The following AEBP1 variants were observed in gnomAD, a reference collection of about 807,000 sequenced individuals.
AEBP1 encodes adipocyte enhancer-binding protein 1.
In AEBP1, 69 loss-of-function variants were observed where a neutral mutation model predicts 116.5. That is an observed-to-expected ratio of 0.59 (90% confidence interval 0.49 to 0.72). The LOEUF (loss-of-function observed/expected upper bound fraction) is 0.72. Among genes scored for constraint, AEBP1 ranks in the 30% least tolerant of loss-of-function variants. AEBP1 has a pLI of 0.00. For synonymous variants in AEBP1, 627 were observed against 627.3 expected, an observed-to-expected ratio of 1.00 and a Z score of 0.01; for missense variants, 1,444 against 1,557.5, an observed-to-expected ratio of 0.93 and a Z score of 1.23.
rs751737965 is a variant in AEBP1 at position 44,114,181 on chromosome 7, A to AGGAGGAGG, written c.3397_3398insGGAGGAGG (p.Lys1133ArgfsTer8). 8.1e-6 allele frequency: 13 copies of AGGAGGAGG among 1,607,654 alleles called. No individual in the cohort carries two copies. The highest frequency in any genetic ancestry group is 7.7e-6 in the Non-Finnish European group (9 of 1,174,826). On this transcript the variant is annotated frameshift_variant, in exon 21 of 21. Coordinates refer to ENST00000223357, the MANE Select transcript of AEBP1 (RefSeq NM_001129.5). LOFTEE classifies it low-confidence loss of function (END_TRUNC). ...GTTTGAGGAAGAGGAGGAGGAGGAG[A>AGGAGGAGG]AAGAGGAGGAGATAGCCACTGGCCA...
intron 9 of AEBP1, chr7:44,109,713 G>A: frequency 1.8e-6 from 1 of 566,328 alleles, no homozygotes; most frequent in Non-Finnish European, 3.2e-6. Flanking sequence ...CCCTGGGGGA[G>A]CTCTACCTGT....
rs2128809716 is a variant in AEBP1 at position 44,114,160 on chromosome 7, G to C, written c.3376G>C (p.Glu1126Gln). Reference sequence around the variant, plus strand: ...TGAGACCCAGCTGGAACCCGAGTTTGAGGAAGAGGAGGAGGAGGAGAAAGA... The same window carrying C: ...TGAGACCCAGCTGGAACCCGAGTTTCAGGAAGAGGAGGAGGAGGAGAAAGA... The part of the protein sequence containing the change: ...EFETQLEPEF[E>Q]EEEEEEKEEE... Residue 1126 changes from glutamate (E) to glutamine (Q), a missense_variant, in exon 21 of 21, where the codon GAG becomes CAG. Transcript: ENST00000223357. 1 of 1,614,118 alleles carries C rather than the reference G, an allele frequency of 6.2e-7. No individual in the cohort carries two copies. The highest frequency in any genetic ancestry group is 2.2e-5 in the East Asian group (1 of 44,888).
At position 44,104,645 on chromosome 7, in the gene AEBP1, C is replaced by T; in HGVS notation, c.-21C>T. The T allele has an allele frequency of 1.4e-6, 2 of 1,431,868 alleles. No individual in the cohort carries two copies. The highest frequency in any genetic ancestry group is 1.5e-5 in the South Asian group (1 of 66,744). 88.7% of individuals were successfully genotyped at this position (1,431,868 alleles called of 1,614,324 possible). A position where few individuals can be genotyped will look rare whatever the true frequency, so the allele number is the denominator to read the frequency against. On this transcript the variant is annotated 5_prime_UTR_variant, in exon 1 of 21. Coordinates refer to ENST00000223357, the MANE Select transcript of AEBP1 (RefSeq NM_001129.5). ...CTGACCCCCCGCGCCCTCCCCGGAG[C>T]CCCCCGCGCGTGCCGCGGCCATGGC...
chr7:44,113,437 T>G lies in AEBP1; in HGVS notation c.2809+86T>G, dbSNP rs1295311198. ...GGGCTTGAGGAACTCAGCGAGCAGG[T>G]AGAGTCTGGGGAGCCTGGGGGCGAA... On this transcript the variant is annotated intron_variant, in intron 20 of 20. Coordinates refer to ENST00000223357, the MANE Select transcript of AEBP1 (RefSeq NM_001129.5). This position sits in a 1 kb window ranked among gnomAD's most constrained non-coding sequence, Gnocchi z 5.3. 3.4e-6 allele frequency: 5 copies of G among 1,471,964 alleles called. No individual in the cohort carries two copies. The highest frequency in any genetic ancestry group is 3.4e-4 in the Middle Eastern group (2 of 5,810). 91.2% of individuals were successfully genotyped at this position (1,471,964 alleles called of 1,614,324 possible). A position where few individuals can be genotyped will look rare whatever the true frequency, so the allele number is the denominator to read the frequency against.
Position 44,111,195 on chromosome 7 carries a change from G to T in AEBP1, c.1672G>T (p.Asp558Tyr). 10 of 1,515,572 alleles carry T rather than the reference G, an allele frequency of 6.6e-6. No homozygotes were observed. The highest frequency in any genetic ancestry group is 1.4e-5 in the African/African-American group (1 of 71,930). The allele number at this position is 1,515,572 out of a possible 1,614,324, so 93.9% of individuals were successfully genotyped here. ...YYAQNEVVAT[D>Y]DLDFRHHSYK... ...CGCACAGAATGAGGTGGTGGCCACC[G>T]ATGACCTGGATTTCCGGCACCACAG... is the stretch of plus-strand genomic sequence containing the variant. Residue 558 changes from aspartate (D) to tyrosine (Y), a missense_variant, in exon 14 of 21, where the codon GAT (aspartate) becomes TAT (tyrosine). By Grantham distance (160) the Asp-to-Tyr change is radical. Coordinates refer to ENST00000223357, the MANE Select transcript of AEBP1 (RefSeq NM_001129.5). The surrounding 1 kb of genome is among the most constrained non-coding windows in gnomAD (Gnocchi z 4.7).
chr7:44,108,412 G>A lies in AEBP1; in HGVS notation c.940+328G>A, dbSNP rs895469949. Among the ~76,000 whole-genome samples, 2 of 152,010 alleles carry A rather than the reference G, an allele frequency of 1.3e-5. No individual in the cohort carries two copies. The highest frequency in any genetic ancestry group is 4.8e-5 in the African/African-American group (2 of 41,378). The stretch of plus-strand genomic sequence containing the variant: ...GCTCTAACTGGCTTCCCGCTGGCTC[G>A]TGGCCACTGCCCCACTCTCTTCAGG... On this transcript the variant is annotated intron_variant, in intron 6 of 20. Coordinates refer to ENST00000223357, the MANE Select transcript of AEBP1 (RefSeq NM_001129.5). The surrounding 1 kb of genome is among the most constrained non-coding windows in gnomAD (Gnocchi z 5.0).
At position 44,104,608 on chromosome 7, in the gene AEBP1, G is replaced by A; in HGVS notation, c.-58G>A. The stretch of plus-strand genomic sequence containing the variant: ...GATCCCCTCTCCGCCCTTTCCCAGA[G>A]ACCCAGAGCCCCTGACCCCCCGCGC... On this transcript the variant is annotated 5_prime_UTR_variant, in exon 1 of 21. Coordinates refer to ENST00000223357, the MANE Select transcript of AEBP1 (RefSeq NM_001129.5). 8.1e-7 allele frequency: 1 copy of A among 1,237,994 alleles called. No homozygotes were observed. The highest frequency in any genetic ancestry group is 1.1e-6 in the Non-Finnish European group (1 of 944,226). The allele number at this position is 1,237,994 out of a possible 1,614,324, so 76.7% of individuals were successfully genotyped here.
At chr7:44,109,838 C>CT in intron 9 of AEBP1, 177 bp from the exon 10 acceptor site, 1 of 622,792 alleles carries the variant, frequency 1.6e-6, no homozygotes, top group Non-Finnish European at 2.8e-6. Context: ...CCTGGCCTGG[C>CT]TTTGAGTCGA....
At chr7:44,105,028 G>C (rs1586043950) in intron 1 of AEBP1, 110 bp downstream of exon 1, 1 of 977,338 alleles carries the variant, frequency 1.0e-6, no homozygotes, top group East Asian at 2.6e-5. Context: ...GGAATGGCTG[G>C]CTTACTAATG....
rs559236000 is a variant in AEBP1, at chr7:44,110,251, C to T, written c.1305C>T (p.Ala435=). Residue 435 remains alanine, a synonymous_variant, in exon 11 of 21, where the codon GCC becomes GCT. Transcript: ENST00000223357. ...ACTACTATGATGGTGCGTGGTGTGC[C>T]GAGGACGATGCCAGGACCCAGTGGA... ...EDDYYDGAWC[A]EDDARTQWIE... is the part of the protein sequence containing the mutation. 6.2e-6 allele frequency: 10 copies of T among 1,613,728 alleles called. No individual in the cohort carries two copies. The highest frequency in any genetic ancestry group is 5.3e-5 in the African/African-American group (4 of 75,028).
chr7:44,112,357 G>A lies in AEBP1; in HGVS notation c.2217+36G>A. 1 of 1,517,014 alleles carries A rather than the reference G, an allele frequency of 6.6e-7. No homozygotes were observed. 94.0% of individuals were successfully genotyped at this position (1,517,014 alleles called of 1,614,324 possible). A position where few individuals can be genotyped will look rare whatever the true frequency, so the allele number is the denominator to read the frequency against. The stretch of plus-strand genomic sequence containing the variant: ...AGCCTGGCTGAAAGGGCAGGAGGGA[G>A]CAGCTGGACCCTGGGGTCCTGGTGT... On this transcript the variant is annotated intron_variant, in intron 17 of 20. Transcript: ENST00000223357. The surrounding 1 kb of genome is among the most constrained non-coding windows in gnomAD (Gnocchi z 6.6).
At position 44,111,331 on chromosome 7, in the gene AEBP1, T is replaced by A; in HGVS notation, c.1716+92T>A. 7.1e-7 allele frequency: 1 copy of A among 1,410,134 alleles called. No individual in the cohort carries two copies. The highest frequency in any genetic ancestry group is 9.4e-7 in the Non-Finnish European group (1 of 1,061,634). 87.4% of individuals were successfully genotyped at this position (1,410,134 alleles called of 1,614,324 possible). On this transcript the variant is annotated intron_variant, in intron 14 of 20. Transcript: ENST00000223357. The surrounding 1 kb of genome is among the most constrained non-coding windows in gnomAD (Gnocchi z 4.7). ...TGCTTCTGTCACTGGGCCCAGTCCC[T>A]ACTGGTTCCAGGGATGCTGGCTGTC...
In AEBP1 at chr7:44,109,341, A is replaced by G; in HGVS notation, c.1150A>G (p.Lys384Glu). ...GGAGTGGACGCCTACGGAGAAAGTCAGTAAGTGGGGGGCACAAGGGGGTGA... is the reference window on the plus strand; with the variant it reads ...GGAGTGGACGCCTACGGAGAAAGTCGGTAAGTGGGGGGCACAAGGGGGTGA... ...EEEWTPTEKV[K>E]CPPIGMESHR... The change falls in exon 9 of 21, where the codon AAG (lysine) becomes GAG (glutamate). Residue 384 changes from lysine (K) to glutamate (E), a missense_variant and splice_region_variant. By Grantham distance (56) the Lys-to-Glu change is moderately conservative (BLOSUM62 1). Transcript: ENST00000223357. 1.6e-6 allele frequency: 2 copies of G among 1,242,654 alleles called. No homozygotes were observed. Among genetic ancestry groups the G allele is most frequent in the Non-Finnish European group, 2.2e-6 (2 of 903,114 alleles). The allele number at this position is 1,242,654 out of a possible 1,614,324, so 77.0% of individuals were successfully genotyped here. A position where few individuals can be genotyped will look rare whatever the true frequency, so the allele number is the denominator to read the frequency against.
chr7:44,108,077 C>T lies in AEBP1; in HGVS notation c.933C>T (p.Tyr311=), dbSNP rs770043552. The T allele has an allele frequency of 1.7e-5, 28 of 1,600,308 alleles. No homozygotes were observed. The highest frequency in any genetic ancestry group is 1.1e-4 in the East Asian group (5 of 44,158). The change falls in exon 6 of 21, where the codon TAC becomes TAT. Residue 311 remains tyrosine, a synonymous_variant. Transcript: ENST00000223357. This position sits in a 1 kb window ranked among gnomAD's most constrained non-coding sequence, Gnocchi z 5.0. ...DYGDGYVIPN[Y]DDMDYYFGPP... ...GTGATGGTTACGTGATCCCCAACTA[C>T]GATGACAGTGAGTACCCAGCACCCC...
Position 44,112,880 on chromosome 7 carries a change from A to G in AEBP1, c.2540A>G (p.Asn847Ser), listed in dbSNP as rs769179089. Residue 847 changes from asparagine (N) to serine (S), a missense_variant, in exon 18 of 21, where the codon AAC (asparagine) becomes AGC (serine). Physicochemically the swap from Asn to Ser is conservative, Grantham distance 46 (BLOSUM62 1). Coordinates refer to ENST00000223357, the MANE Select transcript of AEBP1 (RefSeq NM_001129.5). The surrounding 1 kb of genome is among the most constrained non-coding windows in gnomAD (Gnocchi z 6.6). Reference sequence around the variant, plus strand: ...TACACCGGCGGCATGGGCATCGTCAACGGGGCCAAGTGGAACCCCCGGACC... The same window carrying G: ...TACACCGGCGGCATGGGCATCGTCAGCGGGGCCAAGTGGAACCCCCGGACC... ...QDYTGGMGIV[N>S]GAKWNPRTGT... 4 of 1,612,256 alleles carry G rather than the reference A, an allele frequency of 2.5e-6. No homozygotes were observed. Among genetic ancestry groups the G allele is most frequent in the Admixed American group, 1.7e-5 (1 of 59,980 alleles).
chr7:44,112,659 C>G lies in AEBP1; in HGVS notation c.2319C>G (p.Tyr773Ter). 6.2e-7 allele frequency: 1 copy of G among 1,613,240 alleles called. No homozygotes were observed. The highest frequency in any genetic ancestry group is 8.5e-7 in the Non-Finnish European group (1 of 1,179,980). ...NGGERLVSYP[Y>*]DMARTPTQEQ... is the part of the protein sequence containing the mutation. ...GCGAGCGGCTAGTATCCTACCCCTACGATATGGCCCGCACGCCTACCCAGG... is the reference window on the plus strand; with the variant it reads ...GCGAGCGGCTAGTATCCTACCCCTAGGATATGGCCCGCACGCCTACCCAGG... The change falls in exon 18 of 21, where the codon TAC becomes TAG. Residue 773 changes from tyrosine (Y) to a stop codon, truncating the protein, a stop_gained. Coordinates refer to ENST00000223357, the MANE Select transcript of AEBP1 (RefSeq NM_001129.5). LOFTEE classifies it high-confidence loss of function. This position sits in a 1 kb window ranked among gnomAD's most constrained non-coding sequence, Gnocchi z 6.6.
At chr7:44,109,206 C>T in intron 8 of AEBP1, 22 bp downstream of exon 8, 1 of 1,613,120 alleles carries the variant, frequency 6.2e-7, no homozygotes, top group South Asian at 1.1e-5. Flanking sequence ...GGGCTTGGGG[C>T]CTGGGTCCCT....
At position 44,111,737 on chromosome 7, in the gene AEBP1, G is replaced by T; in HGVS notation, c.1840+107G>T. 6.5e-7 allele frequency: 1 copy of T among 1,546,338 alleles called. No individual in the cohort carries two copies. Among genetic ancestry groups the T allele is most frequent in the South Asian group, 1.2e-5 (1 of 83,310 alleles). On this transcript the variant is annotated intron_variant, in intron 15 of 20. Transcript: ENST00000223357. This position sits in a 1 kb window ranked among gnomAD's most constrained non-coding sequence, Gnocchi z 4.7. ...CTGGGGATTCTGGCTTGTCTTACAG[G>T]GCCCTAGGAGCCCCAGCTGTCCCCC...
At position 44,107,956 on chromosome 7, in the gene AEBP1, G is replaced by A. The variant is rs931991322; in HGVS notation, c.862+25G>A. 4 of 1,459,042 alleles carry A rather than the reference G, an allele frequency of 2.7e-6. No homozygotes were observed. Among genetic ancestry groups the A allele is most frequent in the African/African-American group, 5.1e-5 (2 of 39,342 alleles). The allele number at this position is 1,459,042 out of a possible 1,614,324, so 90.4% of individuals were successfully genotyped here. A position where few individuals can be genotyped will look rare whatever the true frequency, so the allele number is the denominator to read the frequency against. ...GGTAGGATGGGGGGCAGGAGAGGAGGTGCCATGGCCACGGCGCTCTGGCCC... is the reference window on the plus strand; with the variant it reads ...GGTAGGATGGGGGGCAGGAGAGGAGATGCCATGGCCACGGCGCTCTGGCCC... On this transcript the variant is annotated intron_variant, in intron 5 of 20. Coordinates refer to ENST00000223357, the MANE Select transcript of AEBP1 (RefSeq NM_001129.5). The surrounding 1 kb of genome is among the most constrained non-coding windows in gnomAD (Gnocchi z 4.3).
Sources: gnomAD v4.1 joint callset for allele counts (sites outside exome capture counted in the v4.1 genomes callset) on GRCh38, gnomAD v4.1.1 for gene constraint, Gnocchi (gnomAD v3.1) non-coding constraint, MANE v1.5 for transcripts, NCBI Gene and HGNC (gene_info 2026-07-23, HGNC 2026-07-21) for gene names.